SMURF2: variants seen among roughly 807,000 people sequenced by gnomAD.
The protein encoded by SMURF2 is SMAD specific E3 ubiquitin protein ligase 2, also known as E3 ubiquitin-protein ligase SMURF2.
A neutral mutation model predicts 109.6 loss-of-function variants in SMURF2; 48 were observed. That is an observed-to-expected ratio of 0.44 (90% CI 0.35 to 0.56). The LOEUF (loss-of-function observed/expected upper bound fraction) is 0.56, where lower values mean the gene tolerates loss of function less well. Among genes scored for constraint, SMURF2 ranks in the 20% least tolerant of loss-of-function variants. SMURF2 has a pLI of 0.01. For synonymous variants in SMURF2, 288 were observed against 317.1 expected (o/e 0.91, Z 0.97); for missense variants, 575 against 909.0 (o/e 0.63, Z 4.72).
Position 64,657,530 on chromosome 17 carries a change from G to GGAA in SMURF2, c.52+4296_52+4298dup, listed in dbSNP as rs1398924540. On this transcript the variant is annotated intron_variant, in intron 1 of 18. Transcript: ENST00000262435. The stretch of plus-strand genomic sequence containing the variant: ...AACCTGGAGAAACCCCATCTGTACT[G>GGAA]GAAAAAAAAAAAAAAGGTAAAAAAA... Among the ~76,000 whole-genome samples the GGAA allele has an allele frequency of 2.0e-5, 3 of 148,078 alleles. No individual in the cohort carries two copies. The East Asian group carries it at 5.9e-4, about 29-fold the overall frequency.
At chr17:64,661,721 C>CT in intron 1 of SMURF2, 108 bp downstream of exon 1, 1 of 745,852 alleles carries the variant, frequency 1.3e-6, no homozygotes, top group Non-Finnish European at 1.8e-6. Flanking sequence ...TTCCTCCGAC[C>CT]CCCAACTCAT....
rs553108922 is a variant in SMURF2 at position 64,555,009 on chromosome 17, GA to G, written c.1611-17del. On this transcript the variant is annotated splice_polypyrimidine_tract_variant and intron_variant, in intron 14 of 18. Transcript: ENST00000262435. ...ATCATTCTCACTGGATAGGAAAGAGGAAAAGATATGTAACTGGGAAACCTAA... is the reference window on the plus strand; with the variant it reads ...ATCATTCTCACTGGATAGGAAAGAGGAAAGATATGTAACTGGGAAACCTAA... 1 of 1,606,888 alleles carries G rather than the reference GA, an allele frequency of 6.2e-7. No homozygotes were observed. Among genetic ancestry groups the G allele is most frequent in the South Asian group, 1.1e-5 (1 of 89,490 alleles).
intron 6 of SMURF2, among the ~76,000 whole-genome samples, chr17:64,584,361 CTTTTTT>C (rs372682588): frequency 8.9e-6 from 1 of 112,754 alleles, no homozygotes; most frequent in African/African-American, 3.7e-5. Flanking sequence ...CTTTTTTTTT[CTTTTTT>C]TTTTTTTTTT....
intron 5 of SMURF2, among the ~76,000 whole-genome samples, chr17:64,590,621 T>A (rs1311760015): frequency 2.0e-5 from 3 of 152,310 alleles, no homozygotes; most frequent in Non-Finnish European, 4.4e-5. Flanking sequence ...AAGTGCCTCA[T>A]GAGTAAGGTA....
intron 1 of SMURF2, among the ~76,000 whole-genome samples, chr17:64,621,835 C>T (rs1199091330): frequency 2.7e-5 from 4 of 150,250 alleles, no homozygotes; most frequent in African/African-American, 7.4e-5. Context: ...AGCAAGACCA[C>T]GCCACTACAC....
chr17:64,602,627 T>C (rs1331057779), intron 2 of SMURF2, among the ~76,000 whole-genome samples: 4 of 152,320 alleles, frequency 2.6e-5, no homozygotes, highest in African/African-American at 9.6e-5. Flanking sequence ...GAGAACTTTC[T>C]GCATTTTAAA....
Position 64,586,093 on chromosome 17 carries a change from G to A in SMURF2, c.478C>T (p.Pro160Ser). 1 of 1,330,264 alleles carries A rather than the reference G, an allele frequency of 7.5e-7. No individual in the cohort carries two copies. Among genetic ancestry groups the A allele is most frequent in the Non-Finnish European group, 1.0e-6 (1 of 963,798 alleles). 82.4% of individuals were successfully genotyped at this position (1,330,264 alleles called of 1,614,324 possible). ...TCAGTGATGTTAGCTTACCCGTCTG[G>A]TAAATCGTTATCAAATAAACGACTG... ...DCSRLFDNDL[P>S]DGWEERRTAS... Residue 160 changes from proline to serine, a missense_variant, in exon 6 of 19, where the codon CCA becomes TCA. Coordinates refer to ENST00000262435, the MANE Select transcript of SMURF2 (RefSeq NM_022739.4).
chr17:64,570,844 G>C (rs1450163894), intron 10 of SMURF2, among the ~76,000 whole-genome samples: 5 of 152,118 alleles, frequency 3.3e-5, no homozygotes, highest in African/African-American at 1.2e-4. Flanking sequence ...TGAGTGGCGC[G>C]ATCACAGCTC....
At chr17:64,631,470 T>A (rs1970348669) in intron 1 of SMURF2, among the ~76,000 whole-genome samples, 1 of 152,010 alleles carries the variant, frequency 6.6e-6, no homozygotes, top group Non-Finnish European at 1.5e-5. Flanking sequence ...GAGAGACACA[T>A]GTGGATATTT....
chr17:64,652,162 A>G (rs1970648201), intron 1 of SMURF2, among the ~76,000 whole-genome samples: 1 of 152,232 alleles, frequency 6.6e-6, no homozygotes, highest in Non-Finnish European at 1.5e-5. Flanking sequence ...TAAGGTTCAT[A>G]ATAGAAATTC....
At chr17:64,605,744 AATATAT>A (rs71158333) in intron 2 of SMURF2, among the ~76,000 whole-genome samples, 2,368 of 99,084 alleles carry the variant, frequency 0.024, 78 homozygotes, top group Non-Finnish European at 0.032. Context: ...CTCTAAAAAG[AATATAT>A]ATATATATAT....
At chr17:64,645,632 TCTC>T (rs575618316) in intron 1 of SMURF2, among the ~76,000 whole-genome samples, 157 of 152,226 alleles carry the variant, frequency 1.0e-3, no homozygotes, top group African/African-American at 3.6e-3. Context: ...GACATGCATG[TCTC>T]CTTTTTGTTT....
intron 2 of SMURF2, among the ~76,000 whole-genome samples, chr17:64,605,630 A>G (rs1969958408): frequency 6.6e-6 from 1 of 150,760 alleles, no homozygotes; most frequent in African/African-American, 2.4e-5. Flanking sequence ...CCACCCACTC[A>G]GGAGGGTGAG....
intron 1 of SMURF2, among the ~76,000 whole-genome samples, chr17:64,645,504 G>T (rs1970547475): frequency 6.6e-6 from 1 of 152,162 alleles, no homozygotes; most frequent in South Asian, 2.1e-4. Flanking sequence ...AGTGTGTTAT[G>T]TTCACACCTG....
At chr17:64,563,062 G>A (rs1969247964) in intron 10 of SMURF2, 96 bp from the exon 11 acceptor site, 1 of 1,121,846 alleles carries the variant, frequency 8.9e-7, no homozygotes, top group Non-Finnish European at 1.2e-6. Flanking sequence ...AGCAAGTCTA[G>A]CTCTATCATT....
chr17:64,579,504 CTTTATT>C (rs1481042426), intron 8 of SMURF2, among the ~76,000 whole-genome samples: 11 of 152,128 alleles, frequency 7.2e-5, no homozygotes, highest in African/African-American at 2.2e-4. Context: ...TTGGTATCCA[CTTTATT>C]TTTATGTTTT....
In SMURF2 at chr17:64,593,563, T is replaced by C. The variant is rs781880349; in HGVS notation, c.211A>G (p.Lys71Glu). 1 of 1,559,248 alleles carries C rather than the reference T, an allele frequency of 6.4e-7. No homozygotes were observed. Among genetic ancestry groups the C allele is most frequent in the Non-Finnish European group, 8.7e-7 (1 of 1,147,372 alleles). The change falls in exon 4 of 19, where the codon AAG (lysine) becomes GAG (glutamate). Residue 71 changes from lysine to glutamate, a missense_variant. Transcript: ENST00000262435. Reference protein sequence around the residue: ...WNQHYDLYIGKSDSVTISVWN... With the variant: ...WNQHYDLYIGESDSVTISVWN... ...ACACTGATCGTAACTGAATCAGACTTTCCAATATACCTAAAAAACAAAACG... is the reference window on the plus strand; with the variant it reads ...ACACTGATCGTAACTGAATCAGACTCTCCAATATACCTAAAAAACAAAACG...
intron 9 of SMURF2, among the ~76,000 whole-genome samples, chr17:64,573,930 G>C (rs1969452598): frequency 1.3e-5 from 2 of 152,114 alleles, no homozygotes; most frequent in Admixed American, 1.3e-4. Context: ...TAAATGATGG[G>C]AACACATGGA....
chr17:64,659,152 AGT>A (rs1283349590), intron 1 of SMURF2, among the ~76,000 whole-genome samples: 2 of 151,964 alleles, frequency 1.3e-5, no homozygotes, highest in African/African-American at 4.8e-5. Context: ...AGTGTGTATG[AGT>A]GTGTGAGTGT....
Sources: allele counts gnomAD v4.1 joint callset (sites outside exome capture counted in the v4.1 genomes callset), GRCh38; gene constraint gnomAD v4.1.1; transcripts MANE v1.5; gene names NCBI Gene and HGNC (gene_info 2026-07-23, HGNC 2026-07-21).